Variants in KAZN observed in about 807,000 individuals in gnomAD.
KAZN encodes kazrin.
A neutral mutation model predicts 87.4 loss-of-function variants in KAZN; 40 were observed. That is an observed-to-expected ratio of 0.46 (90% confidence interval 0.36 to 0.60). The LOEUF (loss-of-function observed/expected upper bound fraction) is 0.60, where lower values mean the gene tolerates loss of function less well. KAZN is among the 20% of genes least tolerant of loss of function. The pLI is 0.00. For missense variants in KAZN, 898 were observed against 1,073.9 expected (o/e 0.84, Z 2.29); for synonymous variants, 466 against 458.3 (o/e 1.02, Z -0.22).
intron 2 of KAZN, among the ~76,000 whole-genome samples, chr1:14,354,685 C>CAA: frequency 6.9e-6 from 1 of 145,364 alleles, no homozygotes; most frequent in Non-Finnish European, 1.5e-5. Flanking sequence ...CACACACACA[C>CAA]ACAAACAAAC....
intron 2 of KAZN, among the ~76,000 whole-genome samples, chr1:14,552,557 G>C (rs1490430987): frequency 6.6e-6 from 1 of 152,208 alleles, no homozygotes; most frequent in Non-Finnish European, 1.5e-5. Flanking sequence ...GTAGCAGCTG[G>C]GTCTTGGGGA....
chr1:14,319,015 TTTATTTATTTATTTATTTA>T (rs1557636851), intron 2 of KAZN, among the ~76,000 whole-genome samples: 6 of 24,346 alleles, frequency 2.5e-4, no homozygotes, highest in African/African-American at 4.2e-4. Flanking sequence ...TTTATTTTTA[TTTATTTATTTATTTATTTA>T]TTTATTTATT....
intron 10 of KAZN, among the ~76,000 whole-genome samples, chr1:15,101,053 C>T (rs921389523): frequency 2.0e-5 from 3 of 152,188 alleles, no homozygotes; most frequent in Admixed American, 1.3e-4. Context: ...CCCTTCTGCT[C>T]CCCGCCCCTG....
chr1:14,911,846 T>C (rs1657280689), intron 1 of KAZN, among the ~76,000 whole-genome samples: 1 of 152,006 alleles, frequency 6.6e-6, no homozygotes, highest in African/African-American at 2.4e-5. Context: ...ATGGGAAAAC[T>C]GAAGCCATGA....
At chr1:14,296,876 C>T (rs149639833) in intron 2 of KAZN, among the ~76,000 whole-genome samples, 144 of 152,114 alleles carry the variant, frequency 9.5e-4, no homozygotes, top group African/African-American at 3.2e-3. Flanking sequence ...ATCCACCCAC[C>T]TCGGCTTCCC....
At chr1:14,757,432 T>C (rs1161658268) in intron 1 of KAZN, among the ~76,000 whole-genome samples, 1 of 152,164 alleles carries the variant, frequency 6.6e-6, no homozygotes, top group Non-Finnish European at 1.5e-5. Flanking sequence ...TTGGTTCAAG[T>C]CCCAGCTCTT....
At chr1:14,074,323 C>T (rs944659715) in intron 1 of KAZN, among the ~76,000 whole-genome samples, 1 of 152,180 alleles carries the variant, frequency 6.6e-6, no homozygotes, top group Non-Finnish European at 1.5e-5. Flanking sequence ...CTCTGTGCCA[C>T]CTCACAAGGA....
intron 1 of KAZN, among the ~76,000 whole-genome samples, chr1:13,913,748 G>C (rs1639736703): frequency 6.6e-6 from 1 of 152,194 alleles, no homozygotes; most frequent in African/African-American, 2.4e-5. Context: ...TCTAACTTCA[G>C]TGTTTCATAA....
intron 2 of KAZN, among the ~76,000 whole-genome samples, chr1:14,514,276 G>GATCGC (rs1671082852): frequency 7.9e-6 from 1 of 126,626 alleles, no homozygotes; most frequent in Non-Finnish European, 1.6e-5. Flanking sequence ...AGTAAGCTGA[G>GATCGC]ATCGCGCCAC....
intron 2 of KAZN, among the ~76,000 whole-genome samples, chr1:14,429,752 C>CCGT (rs1033325672): frequency 3.9e-5 from 6 of 152,126 alleles, no homozygotes; most frequent in Non-Finnish European, 7.4e-5. Flanking sequence ...GGAGATGTCA[C>CCGT]CGTCGTCGTC....
At chr1:14,772,752 C>T (rs768670436) in intron 1 of KAZN, among the ~76,000 whole-genome samples, 14 of 152,148 alleles carry the variant, frequency 9.2e-5, no homozygotes, top group East Asian at 5.8e-4. Flanking sequence ...ACCCCTTCCC[C>T]GAGGGTCCGC....
intron 2 of KAZN, among the ~76,000 whole-genome samples, chr1:14,418,134 T>C (rs372603878): frequency 6.8e-6 from 1 of 146,418 alleles, no homozygotes; most frequent in East Asian, 2.3e-4. Context: ...GCATATCCTG[T>C]GGGTCCAATG....
intron 1 of KAZN, among the ~76,000 whole-genome samples, chr1:14,699,279 G>C (rs1487272813): frequency 6.6e-6 from 1 of 152,182 alleles, no homozygotes; most frequent in Admixed American, 6.5e-5. Context: ...GTGGGACCCA[G>C]GGAGGACCTG....
intron 2 of KAZN, among the ~76,000 whole-genome samples, chr1:14,232,402 A>G (rs1484544602): frequency 6.6e-6 from 1 of 152,222 alleles, no homozygotes; most frequent in African/African-American, 2.4e-5. Flanking sequence ...CAAAGCATGT[A>G]GAAGTTCCAG....
At chr1:14,638,588 A>C (rs948662844) in intron 1 of KAZN, among the ~76,000 whole-genome samples, 3 of 151,952 alleles carry the variant, frequency 2.0e-5, no homozygotes, top group African/African-American at 4.8e-5. Flanking sequence ...ACAAAAAAAA[A>C]AAAACAAAAA....
Position 14,373,481 on chromosome 1 carries a change from C to T in KAZN, c.249+192889C>T, listed in dbSNP as rs940854146. Among the ~76,000 whole-genome samples the T allele has an allele frequency of 5.3e-5, 8 of 152,206 alleles. No individual in the cohort carries two copies. In the East Asian group the frequency reaches 1.5e-3, roughly 29 times the overall value. ...GCCTTTTTGTCAATAAATATTCAGA[C>T]CCTCACTTTGGGAAGGGCAAACTGC... On this transcript the variant is annotated intron_variant, in intron 2 of 16. Coordinates refer to the KAZN transcript ENST00000636203.
intron 2 of KAZN, among the ~76,000 whole-genome samples, chr1:14,204,849 C>T (rs1646707018): frequency 6.6e-6 from 1 of 152,244 alleles, no homozygotes; most frequent in African/African-American, 2.4e-5. Context: ...GTTCTGCTAG[C>T]CTCTTGCAGA....
intron 2 of KAZN, among the ~76,000 whole-genome samples, chr1:14,389,709 T>G (rs1056941786): frequency 6.6e-6 from 1 of 151,832 alleles, no homozygotes; most frequent in Non-Finnish European, 1.5e-5. Flanking sequence ...CTGGGAAGGG[T>G]AGTCAAGAGG....
chr1:13,984,115 A>G (rs1638892818), intron 1 of KAZN, among the ~76,000 whole-genome samples: 1 of 152,062 alleles, frequency 6.6e-6, no homozygotes, highest in South Asian at 2.1e-4. Context: ...GATTCACGCA[A>G]TTCTCCAGCC....
Sources: gnomAD v4.1 joint callset for allele counts (sites outside exome capture counted in the v4.1 genomes callset) on GRCh38, gnomAD v4.1.1 for gene constraint, MANE v1.5 for transcripts, NCBI Gene and HGNC (gene_info 2026-07-23, HGNC 2026-07-21) for gene names.